Variants in BROX observed in about 807,000 individuals in gnomAD.
BROX encodes the protein BRO1 domain-containing protein BROX.
A neutral mutation model predicts 61.0 loss-of-function variants in BROX; 53 were observed. The ratio of observed to expected loss-of-function variants is 0.87; its 90% confidence interval spans 0.70 to 1.09. The LOEUF (loss-of-function observed/expected upper bound fraction) is 1.09. Ranked by LOEUF, BROX falls within the 50% of genes least tolerant of loss-of-function variation. The pLI is 0.00. For synonymous variants in BROX, 152 were observed against 160.2 expected, an observed-to-expected ratio of 0.95 and a Z score of 0.38; for missense variants, 489 against 472.0, an observed-to-expected ratio of 1.04 and a Z score of -0.33.
At chr1:222,715,625 C>T in intron 1 of BROX, 59 bp from the exon 2 acceptor site, 6 of 696,336 alleles carry the variant, frequency 8.6e-6, no homozygotes, top group Non-Finnish European at 8.6e-6. Flanking sequence ...TGCTATTTAC[C>T]TTGTTTATTA....
At chr1:222,713,598 A>G (rs574398464) in intron 1 of BROX, 61 of 267,280 alleles carry the variant, frequency 2.3e-4, no homozygotes, top group Non-Finnish European at 2.8e-4. Flanking sequence ...GAACTCCCGA[A>G]AACTGAAGAC....
At position 222,732,950 on chromosome 1, in the gene BROX, A is replaced by G. The variant is rs531001262; in HGVS notation, c.*236A>G. The G allele has an allele frequency of 1.1e-4, 54 of 491,656 alleles. No homozygotes were observed. In the Middle Eastern group the frequency reaches 1.6e-3, roughly 15 times the overall value. 30.5% of individuals were successfully genotyped at this position (491,656 alleles called of 1,614,324 possible). ...ATTTGAAAGATTTTATTGTGCCTCT[A>G]AAGGGTATATTTGGGGGTTGGGTCT... On this transcript the variant is annotated 3_prime_UTR_variant, in exon 13 of 13. Coordinates refer to ENST00000340934, the MANE Select transcript of BROX (RefSeq NM_144695.4).
chr1:222,718,879 G>T, intron 2 of BROX, 46 bp from the exon 3 acceptor site: 1 of 1,468,984 alleles, frequency 6.8e-7, no homozygotes, highest in Non-Finnish European at 9.5e-7. Flanking sequence ...TATGTAGATT[G>T]ATTGCAGTAC....
rs755356525 is a variant in BROX at position 222,712,575 on chromosome 1, G to A, written c.-384G>A. The A allele has an allele frequency of 3.3e-5, 45 of 1,372,282 alleles. No individual in the cohort carries two copies. The highest frequency in any genetic ancestry group is 4.3e-5 in the Non-Finnish European group (45 of 1,055,772). 85.0% of individuals were successfully genotyped at this position (1,372,282 alleles called of 1,614,324 possible). ...GTTGAGGCCGCCCCACTGCGCCGAG[G>A]GCCGCCATCGCTATTGCGGCATTCT... is the stretch of plus-strand genomic sequence containing the variant. On this transcript the variant is annotated 5_prime_UTR_variant, in exon 1 of 13. Coordinates refer to ENST00000340934, the MANE Select transcript of BROX (RefSeq NM_144695.4).
rs1657711255 is a variant in BROX, at chr1:222,728,795, T to C, written c.723T>C (p.Tyr241=). The C allele has an allele frequency of 1.9e-6, 3 of 1,602,804 alleles. No individual in the cohort carries two copies. Among genetic ancestry groups the C allele is most frequent in the African/African-American group, 2.7e-5 (2 of 74,944 alleles). ...CATATTCTGCCAAATGGAGAAAATATCTTCACTTGAAGATGTGTTTCTACA... is the reference window on the plus strand; with the variant it reads ...CATATTCTGCCAAATGGAGAAAATACCTTCACTTGAAGATGTGTTTCTACA... ...EPAYSAKWRK[Y]LHLKMCFYTA... is the part of the protein sequence containing the mutation. Residue 241 remains tyrosine (Y), a synonymous_variant, in exon 9 of 13, where the codon TAT becomes TAC. Transcript: ENST00000340934.
chr1:222,732,017 G>A (rs1657973161), intron 12 of BROX, among the ~76,000 whole-genome samples: 1 of 152,182 alleles, frequency 6.6e-6, no homozygotes, highest in African/African-American at 2.4e-5. Context: ...CTAGGGATCT[G>A]TGACAAATGA....
intron 6 of BROX, among the ~76,000 whole-genome samples, chr1:222,724,565 C>T (rs1466566271): frequency 1.3e-5 from 2 of 152,284 alleles, no homozygotes; most frequent in South Asian, 2.1e-4. Flanking sequence ...TCACTAAAAA[C>T]TTTAGAGTGA....
chr1:222,720,578 G>A (rs1168889390), intron 4 of BROX, among the ~76,000 whole-genome samples: 3 of 152,090 alleles, frequency 2.0e-5, no homozygotes, highest in Non-Finnish European at 4.4e-5. Flanking sequence ...TTGGGAGACC[G>A]AGGCAGGCAG....
chr1:222,713,119 C>A, intron 1 of BROX, 177 bp downstream of exon 1: 1 of 1,005,642 alleles, frequency 9.9e-7, no homozygotes, highest in Non-Finnish European at 1.2e-6. Flanking sequence ...TATTGGTCAC[C>A]ACAAATCAGT....
chr1:222,722,750 A>G (rs1212731247), intron 5 of BROX, among the ~76,000 whole-genome samples: 1 of 152,228 alleles, frequency 6.6e-6, no homozygotes, highest in African/African-American at 2.4e-5. Flanking sequence ...AAGAACCCAT[A>G]AAGTAAAAGC....
rs2125049637 is a variant in BROX at position 222,733,501 on chromosome 1, A to C, written c.*787A>C. 1 of 152,376 alleles carries C rather than the reference A, an allele frequency of 6.6e-6. No individual in the cohort carries two copies. Among genetic ancestry groups the C allele is most frequent in the African/African-American group, 2.4e-5 (1 of 41,594 alleles). The allele number at this position is 152,376 out of a possible 1,614,324, so 9.4% of individuals were successfully genotyped here. ...GTTTTTCCGTTTCTCCATTGTGTTAATCAGAGCGCAGACTTACATTCTCAG... is the reference window on the plus strand; with the variant it reads ...GTTTTTCCGTTTCTCCATTGTGTTACTCAGAGCGCAGACTTACATTCTCAG... On this transcript the variant is annotated 3_prime_UTR_variant, in exon 13 of 13. Transcript: ENST00000340934.
chr1:222,713,182 A>T, intron 1 of BROX: 1 of 982,594 alleles, frequency 1.0e-6, no homozygotes, highest in Non-Finnish European at 1.2e-6. Context: ...TCCATTGGTC[A>T]TTGGAGAGCT....
chr1:222,732,898 C>G lies in BROX; in HGVS notation c.*184C>G. The G allele has an allele frequency of 1.8e-6, 1 of 566,896 alleles. No individual in the cohort carries two copies. The highest frequency in any genetic ancestry group is 3.1e-6 in the Non-Finnish European group (1 of 322,734). 35.1% of individuals were successfully genotyped at this position (566,896 alleles called of 1,614,324 possible). ...GCGGAGATGTTTCTTGCTTTGTTTT[C>G]AGACTCTCCTTTTTAATCAGGACAA... is the stretch of plus-strand genomic sequence containing the variant. On this transcript the variant is annotated 3_prime_UTR_variant, in exon 13 of 13. Coordinates refer to ENST00000340934, the MANE Select transcript of BROX (RefSeq NM_144695.4).
intron 9 of BROX, 112 bp downstream of exon 9, chr1:222,728,940 A>C: frequency 3.0e-6 from 2 of 668,326 alleles, no homozygotes; most frequent in Non-Finnish European, 4.8e-6. Context: ...AATAATGGAC[A>C]GCTAACTCTC....
chr1:222,722,925 A>G (rs1055252509), intron 5 of BROX, among the ~76,000 whole-genome samples: 1 of 152,224 alleles, frequency 6.6e-6, no homozygotes, highest in African/African-American at 2.4e-5. Context: ...AGCAAAGGAC[A>G]TGAACAGGCA....
At chr1:222,725,657 C>A in intron 7 of BROX, 102 bp downstream of exon 7, 1 of 889,396 alleles carries the variant, frequency 1.1e-6, no homozygotes, top group Non-Finnish European at 1.6e-6. Context: ...TGCATGTAGT[C>A]CCAGCACTTT....
intron 5 of BROX, among the ~76,000 whole-genome samples, chr1:222,723,883 T>C (rs1245613187): frequency 6.6e-6 from 1 of 152,186 alleles, no homozygotes; most frequent in African/African-American, 2.4e-5. Context: ...GGTCTCAAAC[T>C]TCTGGCCTCA....
chr1:222,712,799 A>T lies in BROX; in HGVS notation c.-160A>T. 7.8e-7 allele frequency: 1 copy of T among 1,287,284 alleles called. No homozygotes were observed. The highest frequency in any genetic ancestry group is 1.0e-6 in the Non-Finnish European group (1 of 987,908). 79.7% of individuals were successfully genotyped at this position (1,287,284 alleles called of 1,614,324 possible). ...GCTATCATGGCCGCCGGGTCACGTG[A>T]CTCCGGCTTGGCGCCGTCCTGGTTT... On this transcript the variant is annotated 5_prime_UTR_variant, in exon 1 of 13. Coordinates refer to ENST00000340934, the MANE Select transcript of BROX (RefSeq NM_144695.4).
chr1:222,719,099 C>T, intron 3 of BROX, 68 bp downstream of exon 3: 3 of 1,436,572 alleles, frequency 2.1e-6, no homozygotes, highest in East Asian at 2.3e-5. Context: ...AATTCTTTGA[C>T]TTTTCAAATT....
Sources: gnomAD v4.1 joint callset for allele counts (sites outside exome capture counted in the v4.1 genomes callset) on GRCh38, gnomAD v4.1.1 for gene constraint, MANE v1.5 for transcripts, NCBI Gene and HGNC (gene_info 2026-07-23, HGNC 2026-07-21) for gene names.